LRIG1: variants seen among roughly 807,000 people sequenced by gnomAD.
The protein encoded by LRIG1 is leucine-rich repeats and immunoglobulin-like domains protein 1.
Under a neutral mutation model 99.2 loss-of-function variants are expected in LRIG1, and 48 were observed. The ratio of observed to expected loss-of-function variants is 0.48; its 90% CI spans 0.38 to 0.62. The LOEUF is 0.62. LRIG1 is among the 20% of genes least tolerant of loss of function. The probability of loss-of-function intolerance (pLI) is 0.00; values close to 1 mark genes in which losing one functional copy is unlikely to be tolerated. For missense variants in LRIG1, 1,646 were observed against 1,434.4 expected, an observed-to-expected ratio of 1.15 and a Z score of -2.38; for synonymous variants, 772 against 596.1, an observed-to-expected ratio of 1.29 and a Z score of -4.30.
At chr3:66,403,097 G>A (rs1357537449) in intron 9 of LRIG1, among the ~76,000 whole-genome samples, 2 of 152,056 alleles carry the variant, frequency 1.3e-5, no homozygotes, top group African/African-American at 2.4e-5. Flanking sequence ...GTAGTATCCT[G>A]AACCCCAAGT....
chr3:66,456,483 G>A (rs1700223690), intron 2 of LRIG1, among the ~76,000 whole-genome samples: 1 of 151,542 alleles, frequency 6.6e-6, no homozygotes, highest in Non-Finnish European at 1.5e-5. Flanking sequence ...TGAGGTGCGA[G>A]GATCGCTTGA....
chr3:66,385,880 G>C (rs1701346803), intron 13 of LRIG1, 101 bp downstream of exon 13: 1 of 1,078,394 alleles, frequency 9.3e-7, no homozygotes, highest in Non-Finnish European at 1.4e-6. Flanking sequence ...AGAAGCATGT[G>C]TGTGTCCTGT....
At chr3:66,423,601 T>C (rs1702888304) in intron 3 of LRIG1, among the ~76,000 whole-genome samples, 1 of 152,174 alleles carries the variant, frequency 6.6e-6, no homozygotes, top group Admixed American at 6.5e-5. Flanking sequence ...AAAATGTGAC[T>C]CAGTTCACAG....
intron 6 of LRIG1, among the ~76,000 whole-genome samples, chr3:66,412,651 C>G (rs1026613638): frequency 6.6e-6 from 1 of 152,256 alleles, no homozygotes; most frequent in Non-Finnish European, 1.5e-5. Context: ...GTGCCCCACT[C>G]CATGCCCAGT....
At chr3:66,383,745 C>T (rs1458546610) in intron 14 of LRIG1, among the ~76,000 whole-genome samples, 3 of 152,100 alleles carry the variant, frequency 2.0e-5, no homozygotes, top group Non-Finnish European at 4.4e-5. Context: ...TCCATCCTGT[C>T]CAATTCTTAA....
intron 9 of LRIG1, chr3:66,404,386 CG>C (rs1702186620): frequency 1.6e-6 from 2 of 1,262,000 alleles, no homozygotes; most frequent in Non-Finnish European, 2.0e-6. Flanking sequence ...GTCTTCCCTC[CG>C]AGCTGCTAGT....
At chr3:66,451,713 A>C in intron 2 of LRIG1, 80 bp from the exon 3 acceptor site, 1 of 1,034,430 alleles carries the variant, frequency 9.7e-7, no homozygotes, top group Non-Finnish European at 1.5e-6. Context: ...AAATAAACAA[A>C]CGCTGCTAAG....
intron 12 of LRIG1, among the ~76,000 whole-genome samples, chr3:66,391,756 T>G (rs4856886): frequency 0.19 from 29,086 of 152,158 alleles, 3,821 homozygotes; most frequent in East Asian, 0.72. Flanking sequence ...AGGGGTAAAT[T>G]TTTATGATAT....
intron 1 of LRIG1, among the ~76,000 whole-genome samples, chr3:66,488,619 A>C (rs915423562): frequency 1.3e-5 from 2 of 152,212 alleles, no homozygotes; most frequent in Non-Finnish European, 2.9e-5. Flanking sequence ...CCTGGGCGAC[A>C]GAGTGAGACT....
chr3:66,392,577 T>A (rs1522911), intron 12 of LRIG1, among the ~76,000 whole-genome samples: 31,273 of 145,124 alleles, frequency 0.22, 3,471 homozygotes, highest in Admixed American at 0.29. Context: ...TTTTCATGAT[T>A]CCCATTAACA....
At chr3:66,389,537 C>G (rs1338100678) in intron 12 of LRIG1, among the ~76,000 whole-genome samples, 2 of 152,118 alleles carry the variant, frequency 1.3e-5, no homozygotes, top group Non-Finnish European at 2.9e-5. Flanking sequence ...ATACTACTAA[C>G]AGACAAAATA....
chr3:66,462,126 G>C (rs1700368670), intron 2 of LRIG1, among the ~76,000 whole-genome samples: 1 of 152,106 alleles, frequency 6.6e-6, no homozygotes. Flanking sequence ...GGAACTGTGA[G>C]AAAGTACCAG....
At position 66,472,472 on chromosome 3, in the gene LRIG1, C is replaced by T. The variant is rs575052655; in HGVS notation, c.219-9963G>A. 2.0e-5 allele frequency among the ~76,000 whole-genome samples: 3 copies of T among 152,210 alleles called. No homozygotes were observed. The East Asian group carries it at 5.8e-4, about 29-fold the overall frequency. ...TGATGCTGTGATGAATCTCCTGTTCCGATACACTGAAATGATTCACCACTT... is the reference window on the plus strand; with the variant it reads ...TGATGCTGTGATGAATCTCCTGTTCTGATACACTGAAATGATTCACCACTT... On this transcript the variant is annotated intron_variant, in intron 1 of 18. Transcript: ENST00000273261.
At chr3:66,387,931 A>C (rs939001041) in intron 12 of LRIG1, 6 of 133,236 alleles carry the variant, frequency 4.5e-5, no homozygotes, top group Non-Finnish European at 9.4e-5. Context: ...CCCTGTCTCT[A>C]CTAAAAATAC....
rs1701330785 is a variant in LRIG1, at chr3:66,500,356, G to A, written c.52C>T (p.Leu18Phe). 1.3e-6 allele frequency: 2 copies of A among 1,491,424 alleles called. No homozygotes were observed. Among genetic ancestry groups the A allele is most frequent in the Non-Finnish European group, 8.9e-7 (1 of 1,126,824 alleles). The allele number at this position is 1,491,424 out of a possible 1,614,324, so 92.4% of individuals were successfully genotyped here. Residue 18 changes from leucine (L) to phenylalanine (F), a missense_variant, in exon 1 of 19, where the codon CTT becomes TTT. Leu to Phe is a conservative substitution (Grantham distance 22). Coordinates refer to ENST00000273261, the MANE Select transcript of LRIG1 (RefSeq NM_015541.3). ...GLGAPRRSPC[L>F]LLLWLLLLRL... ...AGCAAAAGCAGCCAGAGAAGGAGAAGGCAAGGCGAGCGGCGCGGGGCCCCG... is the reference window on the plus strand; with the variant it reads ...AGCAAAAGCAGCCAGAGAAGGAGAAAGCAAGGCGAGCGGCGCGGGGCCCCG...
chr3:66,465,689 T>C (rs1385229210), intron 1 of LRIG1, among the ~76,000 whole-genome samples: 1 of 152,094 alleles, frequency 6.6e-6, no homozygotes, highest in Non-Finnish European at 1.5e-5. Context: ...TTTAATGTGG[T>C]AAAATACATA....
At position 66,380,426 on chromosome 3, in the gene LRIG1, G is replaced by T; in HGVS notation, c.3119C>A (p.Ser1040Tyr). The T allele has an allele frequency of 6.2e-7, 1 of 1,614,214 alleles. No individual in the cohort carries two copies. Among genetic ancestry groups the T allele is most frequent in the Admixed American group, 1.7e-5 (1 of 60,034 alleles). Residue 1040 changes from serine to tyrosine, a missense_variant, in exon 19 of 19, where the codon TCT becomes TAT. Physicochemically the swap from Ser to Tyr is moderately radical, Grantham distance 144. Transcript: ENST00000273261. ...HPDSTELQPA[S>Y]SLTSGSPERA... ...CTCTGGACTGCCTGAAGTTAATGAAGATGCAGGCTGTAGCTCTGTGGAGTC... is the reference window on the plus strand; with the variant it reads ...CTCTGGACTGCCTGAAGTTAATGAATATGCAGGCTGTAGCTCTGTGGAGTC...
chr3:66,401,840 C>G (rs1404576733), intron 9 of LRIG1, among the ~76,000 whole-genome samples: 5 of 152,184 alleles, frequency 3.3e-5, no homozygotes, highest in Non-Finnish European at 7.3e-5. Context: ...AACCTCCCAT[C>G]CATCTCCTGG....
intron 9 of LRIG1, among the ~76,000 whole-genome samples, chr3:66,403,480 C>T (rs1027865209): frequency 3.3e-5 from 5 of 152,058 alleles, no homozygotes; most frequent in Non-Finnish European, 1.5e-5. Context: ...AACAAGTTCC[C>T]AGGAGTCTCA....
Sources: gnomAD v4.1 joint callset for allele counts (sites outside exome capture counted in the v4.1 genomes callset) on GRCh38, gnomAD v4.1.1 for gene constraint, MANE v1.5 for transcripts, NCBI Gene and HGNC (gene_info 2026-07-23, HGNC 2026-07-21) for gene names.